Variants in GOLM1 observed in about 807,000 individuals in gnomAD.
GOLM1 encodes the protein epididymis luminal protein 46.
A neutral mutation model predicts 50.5 loss-of-function variants in GOLM1; 31 were observed. The ratio of observed to expected loss-of-function variants is 0.61; its 90% confidence interval spans 0.46 to 0.83. The LOEUF (loss-of-function observed/expected upper bound fraction) is 0.83, where lower values mean the gene tolerates loss of function less well. Among genes scored for constraint, GOLM1 ranks in the 40% least tolerant of loss-of-function variants. GOLM1 has a pLI of 0.00. For synonymous variants in GOLM1, 178 were observed against 192.8 expected (o/e 0.92, Z 0.64); for missense variants, 491 against 501.3 (o/e 0.98, Z 0.20).
chr9:86,041,234 C>G (rs1051763082), intron 5 of GOLM1, among the ~76,000 whole-genome samples: 3 of 152,136 alleles, frequency 2.0e-5, no homozygotes, highest in Non-Finnish European at 2.9e-5. Flanking sequence ...GATTCACAAG[C>G]CCCTCTGGAC....
At position 86,027,544 on chromosome 9, in the gene GOLM1, A is replaced by G; in HGVS notation, c.*273T>C. Reference sequence around the variant, plus strand: ...CGCTGTCGCCAACACTTGAAGGAGAACTATGTTCCAGTTTTGGTGTTGAAC... The same window carrying G: ...CGCTGTCGCCAACACTTGAAGGAGAGCTATGTTCCAGTTTTGGTGTTGAAC... On this transcript the variant is annotated 3_prime_UTR_variant, in exon 10 of 10. Transcript: ENST00000388712. The G allele has an allele frequency of 8.1e-7, 1 of 1,239,084 alleles. No individual in the cohort carries two copies. The highest frequency in any genetic ancestry group is 1.6e-5 in the African/African-American group (1 of 63,870). The allele number at this position is 1,239,084 out of a possible 1,614,324, so 76.8% of individuals were successfully genotyped here. A position where few individuals can be genotyped will look rare whatever the true frequency, so the allele number is the denominator to read the frequency against.
intron 5 of GOLM1, among the ~76,000 whole-genome samples, chr9:86,043,392 G>T (rs1587703533): frequency 6.6e-6 from 1 of 152,184 alleles, no homozygotes; most frequent in African/African-American, 2.4e-5. Context: ...TCTCGGCACT[G>T]CCTTCTATAG....
chr9:86,052,676 C>A, intron 3 of GOLM1, 85 bp from the exon 4 acceptor site: 1 of 1,088,198 alleles, frequency 9.2e-7, no homozygotes, highest in Non-Finnish European at 1.4e-6. Context: ...ATGATGGGGC[C>A]TGTCCCCAAC....
At chr9:86,093,182 C>A (rs1484800785) in intron 1 of GOLM1, among the ~76,000 whole-genome samples, 1 of 152,034 alleles carries the variant, frequency 6.6e-6, no homozygotes, top group East Asian at 1.9e-4. Flanking sequence ...GAATTTGAGG[C>A]CAGCCTGGCC....
intron 9 of GOLM1, among the ~76,000 whole-genome samples, chr9:86,028,442 AT>A (rs1024294488): frequency 3.3e-5 from 5 of 152,272 alleles, no homozygotes; most frequent in African/African-American, 1.2e-4. Flanking sequence ...TTCCCATGCT[AT>A]CCCCCTTCTG....
chr9:86,086,827 C>T (rs565407137), intron 1 of GOLM1, among the ~76,000 whole-genome samples: 2 of 152,226 alleles, frequency 1.3e-5, no homozygotes, highest in East Asian at 3.9e-4. Context: ...TTTTTTGGTA[C>T]CAGTACCATG....
At chr9:86,052,968 T>TCCACA (rs1055755802) in intron 3 of GOLM1, among the ~76,000 whole-genome samples, 4 of 150,314 alleles carry the variant, frequency 2.7e-5, no homozygotes, top group African/African-American at 9.8e-5. Flanking sequence ...CACACAGCAC[T>TCCACA]CCACACCAAA....
chr9:86,097,698 G>A (rs1336361291), intron 1 of GOLM1, among the ~76,000 whole-genome samples: 1 of 152,110 alleles, frequency 6.6e-6, no homozygotes, highest in African/African-American at 2.4e-5. Flanking sequence ...ACTGATCCAC[G>A]CAGACGCATT....
chr9:86,051,652 A>G (rs945439837), intron 4 of GOLM1, among the ~76,000 whole-genome samples: 1 of 152,110 alleles, frequency 6.6e-6, no homozygotes, highest in Admixed American at 6.5e-5. Flanking sequence ...GGTGATGAAT[A>G]TGCTCCCTGT....
intron 9 of GOLM1, 123 bp from the exon 10 acceptor site, chr9:86,028,016 C>T: frequency 1.6e-6 from 1 of 616,446 alleles, no homozygotes; most frequent in Non-Finnish European, 2.8e-6. Context: ...CCCACAGCAA[C>T]ACTGTAATTG....
At chr9:86,075,213 T>C (rs1161972900) in intron 3 of GOLM1, among the ~76,000 whole-genome samples, 1 of 152,198 alleles carries the variant, frequency 6.6e-6, no homozygotes, top group Non-Finnish European at 1.5e-5. Context: ...TGAGAATAAA[T>C]ACTTGTTGTT....
At chr9:86,039,543 T>C (rs1191764965) in intron 6 of GOLM1, among the ~76,000 whole-genome samples, 1 of 152,192 alleles carries the variant, frequency 6.6e-6, no homozygotes, top group South Asian at 2.1e-4. Flanking sequence ...ACACTCCAAA[T>C]GCCCATCAAC....
At chr9:86,045,695 T>TATAC (rs1554782794) in intron 5 of GOLM1, among the ~76,000 whole-genome samples, 5 of 147,502 alleles carry the variant, frequency 3.4e-5, no homozygotes, top group African/African-American at 1.3e-4. Flanking sequence ...AAAAAGTATA[T>TATAC]ACACACACAC....
rs147331775 is a variant in GOLM1 at position 86,029,116 on chromosome 9, C to G, written c.1130-1223G>C. Among the ~76,000 whole-genome samples, 835 of 152,260 alleles carry G rather than the reference C, an allele frequency of 5.5e-3. 5 individuals carry two copies. The highest frequency in any genetic ancestry group is 9.4e-3 in the Non-Finnish European group (642 of 68,024). The stretch of plus-strand genomic sequence containing the variant: ...TCGTGATCCGCCCGCCTTGGCCTCC[C>G]AAAGTGCTGGGATTACAAGCGTGAG... On this transcript the variant is annotated intron_variant, in intron 9 of 9. Coordinates refer to ENST00000388712, the MANE Select transcript of GOLM1 (RefSeq NM_016548.4).
chr9:86,077,432 T>C lies in GOLM1; in HGVS notation c.289A>G (p.Lys97Glu). The C allele has an allele frequency of 6.2e-7, 1 of 1,614,136 alleles. No individual in the cohort carries two copies. The highest frequency in any genetic ancestry group is 8.5e-7 in the Non-Finnish European group (1 of 1,179,948). Residue 97 changes from lysine (K) to glutamate (E), a missense_variant, in exon 3 of 10, where the codon AAG becomes GAG. Physicochemically the swap from Lys to Glu is moderately conservative, Grantham distance 56 (BLOSUM62 1). Coordinates refer to ENST00000388712, the MANE Select transcript of GOLM1 (RefSeq NM_016548.4). ...CTTGCCTTTTCGTCCTGGTACAGCTTGTTGACGCTCTCCAGCTGGAAGTTG... is the reference window on the plus strand; with the variant it reads ...CTTGCCTTTTCGTCCTGGTACAGCTCGTTGACGCTCTCCAGCTGGAAGTTG... ...SHNFQLESVN[K>E]LYQDEKAVLV...
chr9:86,046,604 C>T, intron 4 of GOLM1, 32 bp from the exon 5 acceptor site: 1 of 1,360,744 alleles, frequency 7.3e-7, no homozygotes, highest in Non-Finnish European at 1.0e-6. Context: ...TTGCACAGGT[C>T]ACCGGCACAG....
In GOLM1 at chr9:86,034,750, G is replaced by A. The variant is rs73476957; in HGVS notation, c.1015+618C>T. The stretch of plus-strand genomic sequence containing the variant: ...GTGACTTGGTCCACCCCAGAGCGCA[G>A]GTGTCATGTCCTCAGAAGTGTTCCT... On this transcript the variant is annotated intron_variant, in intron 8 of 9. Transcript: ENST00000388712. Among the ~76,000 whole-genome samples the A allele has an allele frequency of 8.3e-3, 1,265 of 152,274 alleles. 21 individuals carry two copies. The highest frequency in any genetic ancestry group is 0.029 in the African/African-American group (1,219 of 41,550).
chr9:86,035,747 G>A, intron 7 of GOLM1, 122 bp from the exon 8 acceptor site: 3 of 887,348 alleles, frequency 3.4e-6, no homozygotes, highest in Non-Finnish European at 5.2e-6. Flanking sequence ...TGGGGGTGGG[G>A]TGGGCTGCAC....
At chr9:86,067,680 T>C (rs1183440574) in intron 3 of GOLM1, among the ~76,000 whole-genome samples, 1 of 152,174 alleles carries the variant, frequency 6.6e-6, no homozygotes, top group African/African-American at 2.4e-5. Context: ...ATGTTGAACC[T>C]GTGAAGGAGC....
Sources: gnomAD v4.1 joint callset for allele counts (sites outside exome capture counted in the v4.1 genomes callset) on GRCh38, gnomAD v4.1.1 for gene constraint, MANE v1.5 for transcripts, NCBI Gene and HGNC (gene_info 2026-07-23, HGNC 2026-07-21) for gene names.